WWOX: variants seen among roughly 807,000 people sequenced by gnomAD.
WWOX encodes the protein WW domain-containing oxidoreductase.
In WWOX, 69 loss-of-function variants were observed where a neutral mutation model predicts 46.2. The ratio of observed to expected loss-of-function variants is 1.49; its 90% CI spans 1.23 to 1.82. The LOEUF (loss-of-function observed/expected upper bound fraction) is 1.82. Ranked by LOEUF, WWOX falls within the 40% of genes most tolerant of loss-of-function variation. The probability of loss-of-function intolerance (pLI) is 0.00; values close to 1 mark genes in which losing one functional copy is unlikely to be tolerated. For missense variants in WWOX, 919 were observed against 542.6 expected (o/e 1.69, Z -6.89); for synonymous variants, 359 against 202.6 (o/e 1.77, Z -6.56).
chr16:78,923,321 G>A (rs9924500), intron 8 of WWOX, among the ~76,000 whole-genome samples: 1,652 of 151,930 alleles, frequency 0.011, 33 homozygotes, highest in African/African-American at 0.038. Context: ...TGCCCACCAT[G>A]GCTTAATTTC....
intron 8 of WWOX, among the ~76,000 whole-genome samples, chr16:79,170,459 A>G (rs2050678867): frequency 6.6e-6 from 1 of 152,196 alleles, no homozygotes; most frequent in East Asian, 1.9e-4. Flanking sequence ...AGACCACTTA[A>G]TGTTATCTTT....
chr16:78,209,843 C>T (rs1421761100), intron 5 of WWOX, among the ~76,000 whole-genome samples: 1 of 151,798 alleles, frequency 6.6e-6, no homozygotes, highest in Non-Finnish European at 1.5e-5. Context: ...GTATGTCTTT[C>T]CAAGGGTAAG....
intron 8 of WWOX, among the ~76,000 whole-genome samples, chr16:78,641,612 GT>G (rs1372541872): frequency 2.0e-5 from 3 of 152,180 alleles, no homozygotes; most frequent in African/African-American, 4.8e-5. Flanking sequence ...GCCTTCATCT[GT>G]TTTCCTGCAG....
At chr16:78,563,485 G>A (rs2044487526) in intron 8 of WWOX, among the ~76,000 whole-genome samples, 1 of 142,816 alleles carries the variant, frequency 7.0e-6, no homozygotes, top group Non-Finnish European at 1.5e-5. Flanking sequence ...GCACTCGTGT[G>A]GGTGAACACA....
chr16:78,105,361 A>T (rs1218615469), intron 1 of WWOX, among the ~76,000 whole-genome samples: 1 of 151,860 alleles, frequency 6.6e-6, no homozygotes, highest in Non-Finnish European at 1.5e-5. Flanking sequence ...ACTCAGGCTG[A>T]GGCGGGAGAA....
In WWOX at chr16:78,250,824, G is replaced by GA. The variant is rs2037964989; in HGVS notation, c.516+86535_516+86536insA. Among the ~76,000 whole-genome samples the GA allele has an allele frequency of 2.6e-5, 4 of 152,306 alleles. No homozygotes were observed. The East Asian group carries it at 7.7e-4, about 29-fold the overall frequency. ...AACCATAACCACCTGCAAATGTCATGTGGTTTATATCACACCTTCACTTAA... is the reference window on the plus strand; with the variant it reads ...AACCATAACCACCTGCAAATGTCATGATGGTTTATATCACACCTTCACTTAA... On this transcript the variant is annotated intron_variant, in intron 5 of 8. Coordinates refer to ENST00000566780, the MANE Select transcript of WWOX (RefSeq NM_016373.4).
intron 8 of WWOX, among the ~76,000 whole-genome samples, chr16:78,922,429 A>G (rs1597154589): frequency 6.8e-6 from 1 of 147,436 alleles, no homozygotes; most frequent in Admixed American, 6.8e-5. Flanking sequence ...CTCAGGCTGG[A>G]GTGCAGTGGC....
intron 5 of WWOX, among the ~76,000 whole-genome samples, chr16:78,298,276 C>A (rs996539626): frequency 2.4e-4 from 36 of 152,086 alleles, no homozygotes; most frequent in Non-Finnish European, 5.9e-5. Flanking sequence ...ACTGGGCCAT[C>A]TTTCTTAGGC....
chr16:79,094,322 C>T (rs532234001), intron 8 of WWOX, among the ~76,000 whole-genome samples: 4 of 151,050 alleles, frequency 2.6e-5, no homozygotes, highest in South Asian at 2.1e-4. Flanking sequence ...GGCACGATCT[C>T]GGCTCGCTGC....
chr16:78,617,570 G>T (rs1482439079), intron 8 of WWOX, among the ~76,000 whole-genome samples: 1 of 152,158 alleles, frequency 6.6e-6, no homozygotes, highest in Admixed American at 6.5e-5. Flanking sequence ...CTGAGGACGT[G>T]CTTGTGTGTG....
intron 8 of WWOX, among the ~76,000 whole-genome samples, chr16:78,883,920 G>A (rs1207940343): frequency 2.0e-5 from 3 of 151,896 alleles, no homozygotes; most frequent in East Asian, 3.9e-4. Flanking sequence ...AACATCAGTT[G>A]GTATAACCAT....
rs570385863 is a variant in WWOX, at chr16:78,815,633, C to T, written c.1056+382881C>T. Among the ~76,000 whole-genome samples the T allele has an allele frequency of 7.9e-5, 12 of 152,326 alleles. No homozygotes were observed. In the South Asian group the frequency reaches 2.3e-3, roughly 29 times the overall value. On this transcript the variant is annotated intron_variant, in intron 8 of 8. Coordinates refer to ENST00000566780, the MANE Select transcript of WWOX (RefSeq NM_016373.4). ...CAGAGGGAGTCTCTCTGGAAGGAAA[C>T]TTCGTCTGAGCCATGGCTCCTTTTG...
At chr16:78,938,775 C>G (rs1190850476) in intron 8 of WWOX, among the ~76,000 whole-genome samples, 1 of 151,702 alleles carries the variant, frequency 6.6e-6, no homozygotes, top group Non-Finnish European at 1.5e-5. Flanking sequence ...GAGGTATGGC[C>G]CATTATACCA....
intron 8 of WWOX, among the ~76,000 whole-genome samples, chr16:78,522,402 G>C (rs775675654): frequency 6.6e-6 from 1 of 152,110 alleles, no homozygotes; most frequent in African/African-American, 2.4e-5. Flanking sequence ...CTGTGTACAC[G>C]GTTCTGGAAG....
chr16:79,021,328 C>G (rs1322464776), intron 8 of WWOX, among the ~76,000 whole-genome samples: 1 of 152,188 alleles, frequency 6.6e-6, no homozygotes, highest in Non-Finnish European at 1.5e-5. Context: ...TCTCTACTCT[C>G]AAGAAACTCG....
intron 8 of WWOX, among the ~76,000 whole-genome samples, chr16:79,145,648 G>C (rs1246030619): frequency 1.3e-5 from 2 of 152,166 alleles, no homozygotes; most frequent in African/African-American, 4.8e-5. Flanking sequence ...CTTAAGTAAT[G>C]GGATGAAACC....
chr16:78,385,865 G>C (rs1013103227), intron 5 of WWOX, among the ~76,000 whole-genome samples: 1 of 152,194 alleles, frequency 6.6e-6, no homozygotes, highest in Non-Finnish European at 1.5e-5. Flanking sequence ...CAAGGAGCTA[G>C]GTCTAAGAAG....
At chr16:78,270,775 A>G (rs74027997) in intron 5 of WWOX, among the ~76,000 whole-genome samples, 1,997 of 152,248 alleles carry the variant, frequency 0.013, 64 homozygotes, top group African/African-American at 0.046. Flanking sequence ...TTATGGCCCA[A>G]AGGCTAACTC....
chr16:78,707,047 C>G (rs2048341998), intron 8 of WWOX, among the ~76,000 whole-genome samples: 1 of 152,180 alleles, frequency 6.6e-6, no homozygotes, highest in African/African-American at 2.4e-5. Context: ...ATATTTTAAG[C>G]AGAAAAGAAC....
Sources: allele counts gnomAD v4.1 joint callset (sites outside exome capture counted in the v4.1 genomes callset), GRCh38; gene constraint gnomAD v4.1.1; transcripts MANE v1.5; gene names NCBI Gene and HGNC (gene_info 2026-07-23, HGNC 2026-07-21).